TANC2: variants seen among roughly 807,000 people sequenced by gnomAD.
The protein encoded by TANC2 is tetratricopeptide repeat, ankyrin repeat and coiled-coil containing 2, also known as protein TANC2.
A neutral mutation model predicts 210.5 loss-of-function variants in TANC2; 26 were observed. The ratio of observed to expected loss-of-function variants is 0.12; its 90% confidence interval spans 0.09 to 0.17. TANC2 has a LOEUF of 0.17. Ranked by LOEUF, TANC2 falls within the 10% of genes least tolerant of loss-of-function variation. The pLI is 1.00. For missense variants in TANC2, 2,129 were observed against 2,608.9 expected (o/e 0.82, Z 4.01); for synonymous variants, 931 against 967.1 (o/e 0.96, Z 0.69).
chr17:62,987,552 C>T (rs2032631902), intron 1 of TANC2, among the ~76,000 whole-genome samples: 1 of 152,164 alleles, frequency 6.6e-6, no homozygotes, highest in Admixed American at 6.5e-5. Context: ...TTTGTGGTGG[C>T]AGTGGGGACT....
intron 4 of TANC2, chr17:63,150,698 G>T (rs975287537): frequency 6.6e-6 from 1 of 152,146 alleles, no homozygotes; most frequent in African/African-American, 2.4e-5. Context: ...TTCTTGTTAA[G>T]CTACGTAGAT....
rs201127113 is a variant in TANC2, at chr17:63,412,030, C to T, written c.3798C>T (p.Ile1266=). ...TCCTGGTAGATCATGGGGCCATGATCGAGCACGTTGACTACAGTGGAATGC... is the reference window on the plus strand; with the variant it reads ...TCCTGGTAGATCATGGGGCCATGATTGAGCACGTTGACTACAGTGGAATGC... The change falls in exon 23 of 28, where the codon ATC becomes ATT. Residue 1266 remains isoleucine (I), a synonymous_variant. Coordinates refer to ENST00000689528, the Ensembl canonical transcript of TANC2. The surrounding 1 kb of genome is among the most constrained non-coding windows in gnomAD (Gnocchi z 4.2). 50 of 1,613,730 alleles carry T rather than the reference C, an allele frequency of 3.1e-5. No individual in the cohort carries two copies. The highest frequency in any genetic ancestry group is 4.2e-5 in the Non-Finnish European group (49 of 1,179,868).
chr17:63,369,806 G>A (rs2047212592), intron 14 of TANC2, among the ~76,000 whole-genome samples: 1 of 151,840 alleles, frequency 6.6e-6, no homozygotes, highest in Non-Finnish European at 1.5e-5. Context: ...TTTTATCATG[G>A]TAGCCAGGCT....
chr17:63,096,012 C>G (rs2037374600), intron 3 of TANC2, among the ~76,000 whole-genome samples: 1 of 152,042 alleles, frequency 6.6e-6, no homozygotes, highest in Admixed American at 6.6e-5. Context: ...TTCACTAAAT[C>G]AAATATATTG....
At chr17:63,379,358 A>G (rs549608066) in intron 14 of TANC2, among the ~76,000 whole-genome samples, 3 of 152,268 alleles carry the variant, frequency 2.0e-5, no homozygotes, top group South Asian at 2.1e-4. Flanking sequence ...GAGTCCCCCA[A>G]CCAAAGCAGA....
At chr17:63,175,188 A>C (rs926774856) in intron 5 of TANC2, among the ~76,000 whole-genome samples, 4 of 152,208 alleles carry the variant, frequency 2.6e-5, no homozygotes, top group Non-Finnish European at 4.4e-5. Flanking sequence ...CAAAAGAATA[A>C]TAAAGTTAAA....
intron 15 of TANC2, among the ~76,000 whole-genome samples, chr17:63,386,886 G>A (rs372652374): frequency 6.6e-6 from 1 of 151,712 alleles, no homozygotes; most frequent in Non-Finnish European, 1.5e-5. Flanking sequence ...AAAGCCTCAC[G>A]GTGTTGCCCA....
At chr17:63,341,166 G>C (rs966187949) in intron 12 of TANC2, among the ~76,000 whole-genome samples, 3 of 152,214 alleles carry the variant, frequency 2.0e-5, no homozygotes, top group Non-Finnish European at 4.4e-5. Context: ...AATAAGGAAA[G>C]ATGGTTTATA....
At chr17:63,125,450 T>C (rs2038672847) in intron 4 of TANC2, among the ~76,000 whole-genome samples, 2 of 152,162 alleles carry the variant, frequency 1.3e-5, no homozygotes, top group South Asian at 2.1e-4. Context: ...CTTTACTAGG[T>C]AGGCTGAGTT....
exon 8 of TANC2, chr17:63,237,924 A>G (rs1265491241): frequency 6.3e-7 from 1 of 1,585,344 alleles, no homozygotes; most frequent in Non-Finnish European, 8.6e-7. Flanking sequence ...TCAAAAATCC[A>G]GCATGGACTC....
exon 10 of TANC2, chr17:63,314,390 C>T (rs766703437): frequency 1.9e-6 from 3 of 1,612,742 alleles, no homozygotes; most frequent in East Asian, 2.2e-5. Flanking sequence ...CCTTTCAGTT[C>T]GCTTTGCACC....
intron 11 of TANC2, among the ~76,000 whole-genome samples, chr17:63,323,944 G>A (rs1458109033): frequency 6.6e-6 from 1 of 152,160 alleles, no homozygotes; most frequent in African/African-American, 2.4e-5. Flanking sequence ...AACTGAGGCA[G>A]GCAAAGTCTA....
chr17:63,339,588 T>A (rs945232614), intron 11 of TANC2, among the ~76,000 whole-genome samples: 1 of 152,248 alleles, frequency 6.6e-6, no homozygotes, highest in Admixed American at 6.5e-5. Flanking sequence ...ATGCTAATTT[T>A]AAAATCTGAA....
chr17:63,300,856 G>A lies in TANC2; in HGVS notation c.1160-13532G>A, dbSNP rs574599440. Among the ~76,000 whole-genome samples, 231 of 152,176 alleles carry A rather than the reference G, an allele frequency of 1.5e-3. 1 individual carries two copies. The highest frequency in any genetic ancestry group is 2.1e-3 in the Non-Finnish European group (142 of 67,990). ...AGAGAGGGCATCCTTGTCTTGTGCC[G>A]GTTTTCAAAGGGAATGCTTCCAGCT... is the stretch of plus-strand genomic sequence containing the variant. On this transcript the variant is annotated intron_variant, in intron 9 of 27. Transcript: ENST00000689528.
At chr17:63,096,555 G>A (rs2037394171) in intron 3 of TANC2, among the ~76,000 whole-genome samples, 1 of 152,138 alleles carries the variant, frequency 6.6e-6, no homozygotes. Flanking sequence ...CAAGGCTTTT[G>A]AATGTTGTAG....
At chr17:62,983,991 TAGAG>T (rs912352953) in intron 1 of TANC2, among the ~76,000 whole-genome samples, 1 of 152,114 alleles carries the variant, frequency 6.6e-6, no homozygotes, top group Non-Finnish European at 1.5e-5. Flanking sequence ...TACAATGAGT[TAGAG>T]AGAATTCCCT....
exon 14 of TANC2, chr17:63,355,139 G>C (rs750676383): frequency 2.5e-6 from 4 of 1,613,676 alleles, no homozygotes; most frequent in Non-Finnish European, 3.4e-6. Context: ...CCTTTGACCG[G>C]GTGATGCCTC....
chr17:63,239,643 TC>T (rs923005916), intron 8 of TANC2, among the ~76,000 whole-genome samples: 1 of 152,214 alleles, frequency 6.6e-6, no homozygotes, highest in Non-Finnish European at 1.5e-5. Context: ...AAATTTTTTA[TC>T]CTAGGACCTT....
intron 1 of TANC2, among the ~76,000 whole-genome samples, chr17:62,991,434 C>T (rs1354211215): frequency 3.3e-5 from 5 of 151,658 alleles, no homozygotes; most frequent in Non-Finnish European, 5.9e-5. Flanking sequence ...GTCAGGAGAT[C>T]GAGACCATCA....
Sources: allele counts gnomAD v4.1 joint callset (sites outside exome capture counted in the v4.1 genomes callset), GRCh38; gene constraint gnomAD v4.1.1; non-coding constraint Gnocchi (gnomAD v3.1); transcripts MANE v1.5; gene names NCBI Gene and HGNC (gene_info 2026-07-23, HGNC 2026-07-21).